Variants in ZFP1 observed in about 807,000 individuals in gnomAD.
The protein encoded by ZFP1 is ZFP1 zinc finger protein.
ZFP1 carries 32 observed loss-of-function variants against 38.5 expected under a neutral mutation model. The observed-to-expected ratio is 0.83, with a 90% CI of 0.63 to 1.12. ZFP1 has a LOEUF of 1.12. ZFP1 is among the 50% of genes most tolerant of loss of function. The pLI is 0.00. For synonymous variants in ZFP1, 245 were observed against 168.8 expected, an observed-to-expected ratio of 1.45 and a Z score of -3.50; for missense variants, 616 against 480.8, an observed-to-expected ratio of 1.28 and a Z score of -2.63.
chr16:75,130,780 C>T, the ZFP1 span, among the ~76,000 whole-genome samples: 1 of 151,960 alleles, frequency 6.6e-6, no homozygotes, highest in African/African-American at 2.4e-5. Context: ...GTAATACTCA[C>T]ATGAGTAAAT....
the ZFP1 span, among the ~76,000 whole-genome samples, chr16:75,127,407 A>G: frequency 0.38 from 58,272 of 151,858 alleles, 12,345 homozygotes; most frequent in Middle Eastern, 0.54. Flanking sequence ...GAAAAAAAGC[A>G]TGAGCATGAA....
rs190358490 is a variant in ZFP1 at position 75,153,388 on chromosome 16, C to T, written c.15+422C>T. 9.9e-4 allele frequency among the ~76,000 whole-genome samples: 151 copies of T among 152,160 alleles called. 2 individuals carry two copies. In the East Asian group the frequency reaches 0.029, roughly 29 times the overall value. On this transcript the variant is annotated intron_variant, in intron 2 of 3. Coordinates refer to ENST00000570010, the MANE Select transcript of ZFP1 (RefSeq NM_153688.4). ...TAAATATGTGGGTTTGTATTTAAAT[C>T]CCTCCACCCCAAGCAGGTACCACTG... is the stretch of plus-strand genomic sequence containing the variant.
rs987220041 is a variant in ZFP1 at position 75,171,350 on chromosome 16, T to A, written c.*1016T>A. The A allele has an allele frequency of 3.3e-5, 5 of 152,236 alleles. No individual in the cohort carries two copies. Among genetic ancestry groups the A allele is most frequent in the African/African-American group, 1.2e-4 (5 of 41,460 alleles). The allele number at this position is 152,236 out of a possible 1,614,324, so 9.4% of individuals were successfully genotyped here. A position where few individuals can be genotyped will look rare whatever the true frequency, so the allele number is the denominator to read the frequency against. ...TTATTTTAAATAACTGTCAACTGTT[T>A]CATTGCTTTTTAAATTTTTCACGTG... On this transcript the variant is annotated 3_prime_UTR_variant, in exon 4 of 4. Coordinates refer to ENST00000570010, the MANE Select transcript of ZFP1 (RefSeq NM_153688.4).
the ZFP1 span, among the ~76,000 whole-genome samples, chr16:75,142,032 C>A: frequency 2.3e-5 from 3 of 129,142 alleles, no homozygotes; most frequent in Admixed American, 1.7e-4. Flanking sequence ...CCAGCCTGAA[C>A]AACAGAGCAA....
chr16:75,146,009 C>A (rs1418834011), upstream of ZFP1, among the ~76,000 whole-genome samples: 4 of 152,210 alleles, frequency 2.6e-5, no homozygotes, highest in African/African-American at 7.2e-5. Flanking sequence ...CTCACCCTGG[C>A]CCTGGCACCC....
the ZFP1 span, among the ~76,000 whole-genome samples, chr16:75,135,324 A>G: frequency 1.3e-4 from 20 of 152,054 alleles, no homozygotes; most frequent in Non-Finnish European, 2.2e-4. Flanking sequence ...TCACAAAAAG[A>G]CAAAGAAGAA....
At chr16:75,119,149 A>G in the ZFP1 span, among the ~76,000 whole-genome samples, 1 of 152,182 alleles carries the variant, frequency 6.6e-6, no homozygotes. Flanking sequence ...CATTGGCAAA[A>G]TAAACTTTCT....
At chr16:75,136,986 T>C in the ZFP1 span, among the ~76,000 whole-genome samples, 1 of 152,152 alleles carries the variant, frequency 6.6e-6, no homozygotes, top group African/African-American at 2.4e-5. Flanking sequence ...CTAAAAATAA[T>C]AATAATACCC....
intron 1 of ZFP1, among the ~76,000 whole-genome samples, chr16:75,149,557 C>CTTTT (rs34371791): frequency 0.02 from 2,006 of 101,684 alleles, 130 homozygotes; most frequent in Middle Eastern, 0.036. Context: ...TCTTTACTTT[C>CTTTT]TTTTTTTTTT....
chr16:75,126,793 A>G, the ZFP1 span, among the ~76,000 whole-genome samples: 1 of 152,250 alleles, frequency 6.6e-6, no homozygotes, highest in African/African-American at 2.4e-5. Context: ...TTTCCAAGAT[A>G]AAATTATAAA....
chr16:75,166,535 G>C lies in ZFP1; in HGVS notation c.16-235G>C, dbSNP rs536709350. On this transcript the variant is annotated intron_variant, in intron 2 of 3. Coordinates refer to ENST00000570010, the MANE Select transcript of ZFP1 (RefSeq NM_153688.4). The stretch of plus-strand genomic sequence containing the variant: ...TGAGCCACTATGCCTGGCCAATAGT[G>C]TTTTATTAATCTGAGACACCTATCA... The C allele has an allele frequency of 2.2e-4, 218 of 985,138 alleles. No homozygotes were observed. In the African/African-American group the frequency reaches 3.7e-3, roughly 17 times the overall value. 61.0% of individuals were successfully genotyped at this position (985,138 alleles called of 1,614,324 possible). A position where few individuals can be genotyped will look rare whatever the true frequency, so the allele number is the denominator to read the frequency against.
At chr16:75,167,983 C>T (rs959315384) in intron 3 of ZFP1, among the ~76,000 whole-genome samples, 11 of 152,068 alleles carry the variant, frequency 7.2e-5, no homozygotes, top group Non-Finnish European at 1.2e-4. Flanking sequence ...ATCCCAGCTA[C>T]TCGGGAGACG....
chr16:75,123,859 A>G, the ZFP1 span, among the ~76,000 whole-genome samples: 1 of 151,808 alleles, frequency 6.6e-6, no homozygotes, highest in Non-Finnish European at 1.5e-5. Flanking sequence ...TAGGAGGCCA[A>G]GGAGGATGCA....
chr16:75,153,104 A>G, intron 2 of ZFP1, 138 bp downstream of exon 2: 1 of 1,173,320 alleles, frequency 8.5e-7, no homozygotes, highest in South Asian at 1.6e-5. Context: ...ACCAGCAGCC[A>G]AAAAGCAAAT....
rs1420889582 is a variant in ZFP1, at chr16:75,170,034, G to A, written c.924G>A (p.Lys308=). Residue 308 remains lysine (K), a synonymous_variant, in exon 4 of 4, where the codon AAG becomes AAA. Coordinates refer to ENST00000570010, the MANE Select transcript of ZFP1 (RefSeq NM_153688.4). ...AATGTGCAAAAACCTTCTTTAAGAA[G>A]TCAAACCTTATCATACATCAGAAGA... ...CNECAKTFFK[K]SNLIIHQKIH... The A allele has an allele frequency of 2.5e-6, 4 of 1,614,078 alleles. No homozygotes were observed. The highest frequency in any genetic ancestry group is 2.7e-5 in the African/African-American group (2 of 74,934).
At chr16:75,159,306 T>G (rs1195894687) in intron 2 of ZFP1, among the ~76,000 whole-genome samples, 3 of 20,240 alleles carry the variant, frequency 1.5e-4, no homozygotes, top group Non-Finnish European at 4.4e-4. Context: ...TTCCCTCCCT[T>G]CCCTCCTTTC....
At chr16:75,161,757 A>AATATATATAT (rs1338490455) in intron 2 of ZFP1, among the ~76,000 whole-genome samples, 614 of 14,178 alleles carry the variant, frequency 0.043, 89 homozygotes, top group Non-Finnish European at 0.049. Context: ...AGTTTTATGA[A>AATATATATAT]ATATATATAT....
the ZFP1 span, among the ~76,000 whole-genome samples, chr16:75,119,896 C>T: frequency 6.6e-6 from 1 of 151,036 alleles, no homozygotes; most frequent in Non-Finnish European, 1.5e-5. Flanking sequence ...TGAAAAACAG[C>T]CAGCAAAAGG....
intron 1 of ZFP1, among the ~76,000 whole-genome samples, chr16:75,152,081 T>C (rs2037231744): frequency 6.6e-6 from 1 of 152,198 alleles, no homozygotes. Context: ...TGATTCATTA[T>C]CTTGATTTTT....
Sources: allele counts gnomAD v4.1 joint callset (sites outside exome capture counted in the v4.1 genomes callset), GRCh38; gene constraint gnomAD v4.1.1; transcripts MANE v1.5; gene names NCBI Gene and HGNC (gene_info 2026-07-23, HGNC 2026-07-21).